The following DNAH3 variants were observed in gnomAD, a reference collection of about 807,000 sequenced individuals.
DNAH3 encodes the protein axonemal beta dynein heavy chain 3.
A neutral mutation model predicts 432.5 loss-of-function variants in DNAH3; 332 were observed. The ratio of observed to expected loss-of-function variants is 0.77; its 90% CI spans 0.70 to 0.84. DNAH3 has a LOEUF of 0.84. Among genes scored for constraint, DNAH3 ranks in the 40% least tolerant of loss-of-function variants. DNAH3 has a pLI of 0.00. For synonymous variants in DNAH3, 1,956 were observed against 1,900.2 expected (o/e 1.03, Z -0.76); for missense variants, 4,861 against 5,114.0 (o/e 0.95, Z 1.51).
exon 37 of DNAH3, chr16:21,031,186 C>A: frequency 6.2e-7 from 1 of 1,614,158 alleles, no homozygotes; most frequent in African/African-American, 1.3e-5. Context: ...CATCCATCCA[C>A]TCGTGGCTCA....
chr16:21,024,794 A>G, intron 38 of DNAH3, 93 bp from the exon 39 acceptor site: 1 of 959,064 alleles, frequency 1.0e-6, no homozygotes, highest in Non-Finnish European at 1.7e-6. Context: ...GTCAGGCACC[A>G]TGCTAGGCAT....
At chr16:21,086,952 C>T (rs774946198) in exon 19 of DNAH3, 3 of 1,614,166 alleles carry the variant, frequency 1.9e-6, no homozygotes, top group Non-Finnish European at 2.5e-6. Context: ...CTCTGCTAAG[C>T]GCCTGGGTGC....
Position 21,067,280 on chromosome 16 carries a change from T to A in DNAH3, c.3518+3A>T. On this transcript the variant is annotated splice_donor_region_variant and intron_variant, in intron 24 of 61. Coordinates refer to ENST00000261383, the Ensembl canonical transcript of DNAH3. ...TTCCAAATAAAAGAACAATGCTGGA[T>A]ACCTGGGGAAGAATAGTCTCTTCTT... 6.2e-7 allele frequency: 1 copy of A among 1,613,984 alleles called. No individual in the cohort carries two copies. Among genetic ancestry groups the A allele is most frequent in the Non-Finnish European group, 8.5e-7 (1 of 1,179,868 alleles).
At chr16:21,080,592 G>A (rs1044643659) in intron 20 of DNAH3, among the ~76,000 whole-genome samples, 2 of 152,214 alleles carry the variant, frequency 1.3e-5, no homozygotes, top group African/African-American at 4.8e-5. Context: ...GGACAGTGCT[G>A]ACCTGAAGGA....
At chr16:21,116,868 A>G (rs561938444) in intron 12 of DNAH3, among the ~76,000 whole-genome samples, 4 of 152,350 alleles carry the variant, frequency 2.6e-5, no homozygotes, top group African/African-American at 9.6e-5. Context: ...ACTGCAGGAT[A>G]ATATATGATA....
chr16:21,023,786 GGT>G lies in DNAH3; in HGVS notation c.5646+808_5646+809del, dbSNP rs3220045. The stretch of plus-strand genomic sequence containing the variant: ...TATATGGGGACTTGGCAGCTTTTGG[GGT>G]GTGTGTGTGTGTGTGTGTGTGTGTG... On this transcript the variant is annotated intron_variant, in intron 39 of 61. Transcript: ENST00000261383. Among the ~76,000 whole-genome samples the G allele has an allele frequency of 5.0e-3, 727 of 145,914 alleles. 1 individual carries two copies. Among genetic ancestry groups the G allele is most frequent in the African/African-American group, 9.8e-3 (389 of 39,646 alleles).
In DNAH3 at chr16:21,145,966, GC is replaced by G. The variant is rs2092777913; in HGVS notation, c.222+17del. 6.6e-7 allele frequency: 1 copy of G among 1,521,420 alleles called. No homozygotes were observed. The highest frequency in any genetic ancestry group is 2.2e-5 in the East Asian group (1 of 44,454). 94.2% of individuals were successfully genotyped at this position (1,521,420 alleles called of 1,614,324 possible). A position where few individuals can be genotyped will look rare whatever the true frequency, so the allele number is the denominator to read the frequency against. ...CTCCTCACCCTCAACAGAAGAGCTG[GC>G]AGCCAGGTGTGCATACCTGATAGAG... On this transcript the variant is annotated intron_variant, in intron 2 of 61. Transcript: ENST00000261383.
chr16:21,013,728 A>T (rs1163934434), intron 41 of DNAH3, among the ~76,000 whole-genome samples: 1 of 151,332 alleles, frequency 6.6e-6, no homozygotes, highest in Non-Finnish European at 1.5e-5. Flanking sequence ...TCAAAAAAAA[A>T]AAAAAAAAAA....
chr16:20,977,387 A>AAAAC (rs751799634), intron 50 of DNAH3, among the ~76,000 whole-genome samples: 89 of 152,250 alleles, frequency 5.8e-4, no homozygotes, highest in African/African-American at 2.0e-3. Context: ...AACAAAAACA[A>AAAAC]AAACAAACAA....
At chr16:21,023,420 G>A (rs2088357162) in intron 39 of DNAH3, among the ~76,000 whole-genome samples, 2 of 152,154 alleles carry the variant, frequency 1.3e-5, no homozygotes, top group Non-Finnish European at 2.9e-5. Flanking sequence ...ACGTGTTATG[G>A]TGAAGAATAA....
chr16:20,987,327 C>A (rs763759493), exon 47 of DNAH3: 1 of 1,614,156 alleles, frequency 6.2e-7, no homozygotes, highest in Middle Eastern at 1.6e-4. Context: ...CTGCTTGAAG[C>A]AATTGGAGGT....
chr16:21,049,692 G>C lies in DNAH3; in HGVS notation c.4348-10C>G, dbSNP rs947728689. The C allele has an allele frequency of 1.2e-6, 2 of 1,607,702 alleles. No individual in the cohort carries two copies. Among genetic ancestry groups the C allele is most frequent in the African/African-American group, 1.3e-5 (1 of 74,946 alleles). ...AGTTGAAGACCACACACTAGAAAGA[G>C]GGAGGATGTGGGTATCATTCAGGGT... On this transcript the variant is annotated splice_polypyrimidine_tract_variant and intron_variant, in intron 30 of 61. Coordinates refer to ENST00000261383, the Ensembl canonical transcript of DNAH3.
chr16:20,979,558 A>G lies in DNAH3; in HGVS notation c.7860-12T>C, dbSNP rs2085759423. The G allele has an allele frequency of 6.2e-7, 1 of 1,613,660 alleles. No homozygotes were observed. Reference sequence around the variant, plus strand: ...ACATGGACACGACCCTGCCGAGGACACCAAGGCGGTTAGGCAGGACCCAAC... The same window carrying G: ...ACATGGACACGACCCTGCCGAGGACGCCAAGGCGGTTAGGCAGGACCCAAC... On this transcript the variant is annotated splice_polypyrimidine_tract_variant and intron_variant, in intron 49 of 61. Transcript: ENST00000261383.
At chr16:21,042,203 C>T (rs1379596389) in exon 32 of DNAH3, 1 of 1,592,226 alleles carries the variant, frequency 6.3e-7, no homozygotes, top group Non-Finnish European at 8.5e-7. Context: ...AGCACTTCTA[C>T]CTGGGGTGAG....
intron 18 of DNAH3, among the ~76,000 whole-genome samples, chr16:21,088,581 A>G (rs79783276): frequency 0.039 from 5,909 of 152,290 alleles, 388 homozygotes; most frequent in African/African-American, 0.13. Flanking sequence ...AGACACTGCT[A>G]TTTGAAGAGC....
rs375607613 is a variant in DNAH3, at chr16:20,956,613, G to A, written c.10827-1556C>T. Among the ~76,000 whole-genome samples the A allele has an allele frequency of 9.2e-5, 14 of 152,254 alleles. No individual in the cohort carries two copies. In the South Asian group the frequency reaches 2.9e-3, roughly 32 times the overall value. On this transcript the variant is annotated intron_variant, in intron 54 of 61. Transcript: ENST00000261383. The stretch of plus-strand genomic sequence containing the variant: ...ACATAAATAACTTTTTCTTCTTTGA[G>A]TGTGTCATTAATGGCCAATGAATTC...
At chr16:20,984,698 C>T (rs2086102174) in intron 48 of DNAH3, among the ~76,000 whole-genome samples, 1 of 151,984 alleles carries the variant, frequency 6.6e-6, no homozygotes, top group African/African-American at 2.4e-5. Flanking sequence ...GGTGAAACCC[C>T]TCTCTACTAA....
At chr16:20,987,615 T>C (rs915769068) in intron 46 of DNAH3, 78 bp downstream of exon 46, 1 of 1,569,172 alleles carries the variant, frequency 6.4e-7, no homozygotes, top group Non-Finnish European at 8.7e-7. Flanking sequence ...AAAAGTTAGC[T>C]ATTACTGCTA....
At chr16:20,944,776 G>GAC (rs71377697) in intron 57 of DNAH3, 113 bp from the exon 58 acceptor site, 63,264 of 693,610 alleles carry the variant, frequency 0.091, 1,002 homozygotes, top group Middle Eastern at 0.16. Flanking sequence ...AGTAGCACAG[G>GAC]ACACACACAC....
Sources: gnomAD v4.1 joint callset for allele counts (sites outside exome capture counted in the v4.1 genomes callset) on GRCh38, gnomAD v4.1.1 for gene constraint, MANE v1.5 for transcripts, NCBI Gene and HGNC (gene_info 2026-07-23, HGNC 2026-07-21) for gene names.